The following LRRC56 variants were observed in gnomAD, a reference collection of about 807,000 sequenced individuals.
LRRC56 encodes leucine rich repeat containing 56.
Under a neutral mutation model 47.8 loss-of-function variants are expected in LRRC56, and 41 were observed. The ratio of observed to expected loss-of-function variants is 0.86; its 90% CI spans 0.67 to 1.11. The LOEUF (loss-of-function observed/expected upper bound fraction) is 1.11. LRRC56 is among the 50% of genes most tolerant of loss of function. LRRC56 has a pLI of 0.00. For missense variants in LRRC56, 759 were observed against 704.2 expected, an observed-to-expected ratio of 1.08 and a Z score of -0.88; for synonymous variants, 387 against 311.2, an observed-to-expected ratio of 1.24 and a Z score of -2.56.
chr11:509,830 C>T, the LRRC56 span, among the ~76,000 whole-genome samples: 1 of 151,476 alleles, frequency 6.6e-6, no homozygotes, highest in East Asian at 1.9e-4. Flanking sequence ...CCCAAAGTGC[C>T]TGGCCTTCAT....
chr11:550,771 TTAGC>T (rs1852342692), intron 8 of LRRC56, among the ~76,000 whole-genome samples: 1 of 152,116 alleles, frequency 6.6e-6, no homozygotes, highest in South Asian at 2.1e-4. Context: ...GCTAGCCTCA[TTAGC>T]TGCTGCTTGG....
the LRRC56 span, among the ~76,000 whole-genome samples, chr11:509,868 C>T: frequency 1.3e-5 from 2 of 151,924 alleles, no homozygotes; most frequent in African/African-American, 4.8e-5. Flanking sequence ...CCTGCCTCAC[C>T]TCGTTATGTC....
chr11:543,637 C>G (rs973441548), intron 5 of LRRC56, among the ~76,000 whole-genome samples: 1 of 152,310 alleles, frequency 6.6e-6, no homozygotes, highest in Admixed American at 6.5e-5. Flanking sequence ...TTTGCAATGG[C>G]CTGTGAAGTC....
intron 6 of LRRC56, among the ~76,000 whole-genome samples, chr11:547,506 C>T (rs150201047): frequency 0.094 from 14,334 of 151,702 alleles, 675 homozygotes; most frequent in Middle Eastern, 0.14. Flanking sequence ...GCGCCTGCCA[C>T]CACGCCCGGC....
chr11:518,863 A>G, the LRRC56 span, among the ~76,000 whole-genome samples: 2 of 150,740 alleles, frequency 1.3e-5, no homozygotes, highest in East Asian at 2.0e-4. Flanking sequence ...CGAGGCCGGG[A>G]CTCGGGCGCC....
chr11:521,914 C>CA, the LRRC56 span, among the ~76,000 whole-genome samples: 55,144 of 142,550 alleles, frequency 0.39, 11,113 homozygotes, highest in African/African-American at 0.55. Context: ...GACTCCGTCT[C>CA]AAAAAAAAAA....
rs1386235487 is a variant in LRRC56, at chr11:554,426, G to A, written c.*150G>A. On this transcript the variant is annotated 3_prime_UTR_variant, in exon 14 of 14. Transcript: ENST00000270115. Reference sequence around the variant, plus strand: ...ACCCTCTTGGTGGAGGGGAGTGGGGGACTGGGACCAGCCAGGGAGGCAGCA... The same window carrying A: ...ACCCTCTTGGTGGAGGGGAGTGGGGAACTGGGACCAGCCAGGGAGGCAGCA... The A allele has an allele frequency of 1.5e-6, 1 of 646,862 alleles. No individual in the cohort carries two copies. The highest frequency in any genetic ancestry group is 3.4e-5 in the East Asian group (1 of 29,840). The allele number at this position is 646,862 out of a possible 1,614,324, so 40.1% of individuals were successfully genotyped here.
intron 6 of LRRC56, among the ~76,000 whole-genome samples, chr11:548,884 A>C (rs1486920820): frequency 1.3e-5 from 2 of 152,238 alleles, no homozygotes; most frequent in Non-Finnish European, 2.9e-5. Context: ...ACCCAGCCTA[A>C]TGGCTGCATA....
the LRRC56 span, among the ~76,000 whole-genome samples, chr11:513,719 C>T: frequency 2.7e-5 from 4 of 149,124 alleles, no homozygotes; most frequent in African/African-American, 5.0e-5. Flanking sequence ...AATTGCTGGC[C>T]GGGTGTGGTG....
chr11:527,116 A>T, the LRRC56 span, among the ~76,000 whole-genome samples: 1 of 151,928 alleles, frequency 6.6e-6, no homozygotes, highest in Non-Finnish European at 1.5e-5. Context: ...CCTGGCTAAC[A>T]CGGTGAAACC....
chr11:514,094 C>T, the LRRC56 span, among the ~76,000 whole-genome samples: 1 of 152,114 alleles, frequency 6.6e-6, no homozygotes, highest in Non-Finnish European at 1.5e-5. Flanking sequence ...CAGGTTCAAG[C>T]GATTCTCTTA....
At chr11:550,019 C>T (rs1219203770) in intron 7 of LRRC56, 21 bp downstream of exon 7, 7 of 1,609,976 alleles carry the variant, frequency 4.3e-6, no homozygotes, top group African/African-American at 1.3e-5. Context: ...GCACCCTGGG[C>T]TGGGGAGGCC....
rs755899728 is a variant in LRRC56 at position 550,197 on chromosome 11, G to A, written c.549G>A (p.Leu183=). The A allele has an allele frequency of 6.8e-6, 11 of 1,612,834 alleles. No homozygotes were observed. Among genetic ancestry groups the A allele is most frequent in the Non-Finnish European group, 9.3e-6 (11 of 1,179,762 alleles). ...TGGGGCAGGTGCGCTACTTGCAGCT[G>A]TGCCCACGCCTGGCCATGCTCACCC... ...EDLGQVRYLQ[L]CPRLAMLTLE... The change falls in exon 8 of 14, where the codon CTG becomes CTA. Residue 183 remains leucine, a synonymous_variant. Coordinates refer to ENST00000270115, the MANE Select transcript of LRRC56 (RefSeq NM_198075.4).
the LRRC56 span, among the ~76,000 whole-genome samples, chr11:517,329 C>T: frequency 1.3e-3 from 192 of 150,960 alleles, 1 homozygote; most frequent in African/African-American, 4.3e-3. Flanking sequence ...AGGTGAGGAG[C>T]GCCTCTGCCC....
upstream of LRRC56, chr11:532,897 G>T: frequency 2.4e-6 from 2 of 838,526 alleles, no homozygotes; most frequent in Non-Finnish European, 3.9e-6. Context: ...CCACACACAC[G>T]GGAAGCTGGA....
chr11:544,608 CTGG>C, intron 5 of LRRC56, 109 bp from the exon 6 acceptor site: 1 of 1,107,324 alleles, frequency 9.0e-7, no homozygotes, highest in Non-Finnish European at 1.4e-6. Context: ...GCTTGTGAGG[CTGG>C]CCCACGAGCA....
At position 541,647 on chromosome 11, in the gene LRRC56, A is replaced by G. The variant is rs1851800521; in HGVS notation, c.265+23A>G. 4 of 1,472,570 alleles carry G rather than the reference A, an allele frequency of 2.7e-6. No individual in the cohort carries two copies. The highest frequency in any genetic ancestry group is 1.4e-5 in the African/African-American group (1 of 70,360). The allele number at this position is 1,472,570 out of a possible 1,614,324, so 91.2% of individuals were successfully genotyped here. ...TTGGTGAGCCTCTTCCCACCCCGCC[A>G]TGGCCACGGCCACGGCCACGCCTCC... is the stretch of plus-strand genomic sequence containing the variant. On this transcript the variant is annotated intron_variant, in intron 5 of 13. Transcript: ENST00000270115. This position sits in a 1 kb window ranked among gnomAD's most constrained non-coding sequence, Gnocchi z 4.1.
chr11:531,165 A>G, the LRRC56 span, among the ~76,000 whole-genome samples: 2 of 148,120 alleles, frequency 1.4e-5, no homozygotes, highest in Admixed American at 6.8e-5. Flanking sequence ...CGTCCCCTGG[A>G]GAGAAGGGCG....
At chr11:525,348 G>A in the LRRC56 span, among the ~76,000 whole-genome samples, 1 of 151,972 alleles carries the variant, frequency 6.6e-6, no homozygotes, top group Non-Finnish European at 1.5e-5. Flanking sequence ...GACCATCCTG[G>A]CTAACACGGT....
Sources: gnomAD v4.1 joint callset for allele counts (sites outside exome capture counted in the v4.1 genomes callset) on GRCh38, gnomAD v4.1.1 for gene constraint, Gnocchi (gnomAD v3.1) non-coding constraint, MANE v1.5 for transcripts, NCBI Gene and HGNC (gene_info 2026-07-23, HGNC 2026-07-21) for gene names.